Variants in PLCB1 observed in about 807,000 individuals in gnomAD.
PLCB1 encodes the protein phospholipase C beta 1, also known as 1-phosphatidylinositol 4,5-bisphosphate phosphodiesterase beta-1.
A neutral mutation model predicts 161.8 loss-of-function variants in PLCB1; 46 were observed. The observed-to-expected ratio is 0.28, with a 90% CI of 0.22 to 0.36. The LOEUF is 0.36. Among genes scored for constraint, PLCB1 ranks in the 10% least tolerant of loss-of-function variants. The pLI is 1.00. For synonymous variants in PLCB1, 517 were observed against 503.7 expected, an observed-to-expected ratio of 1.03 and a Z score of -0.35; for missense variants, 1,016 against 1,472.5, an observed-to-expected ratio of 0.69 and a Z score of 5.07.
chr20:8,861,661 C>A (rs532608932), intron 31 of PLCB1, among the ~76,000 whole-genome samples: 1 of 141,392 alleles, frequency 7.1e-6, no homozygotes, highest in Non-Finnish European at 1.5e-5. Flanking sequence ...ACCCGGGAGG[C>A]GGAGCTTGCA....
At chr20:8,729,012 T>C (rs1980088617) in intron 17 of PLCB1, 38 bp from the exon 18 acceptor site, 2 of 1,416,570 alleles carry the variant, frequency 1.4e-6, no homozygotes, top group Admixed American at 2.2e-5. Flanking sequence ...GACTAAATAT[T>C]TTTATAATTG....
chr20:8,689,975 A>G (rs748562311), intron 10 of PLCB1, among the ~76,000 whole-genome samples: 1 of 27,058 alleles, frequency 3.7e-5, no homozygotes, highest in Non-Finnish European at 1.5e-4. Context: ...ATTTCTGTAC[A>G]ATGGTTTTGT....
chr20:8,776,956 G>A (rs900385055), intron 27 of PLCB1, among the ~76,000 whole-genome samples: 1 of 152,070 alleles, frequency 6.6e-6, no homozygotes, highest in Non-Finnish European at 1.5e-5. Context: ...AAAGGTTTAC[G>A]CAGAAGGCAA....
At chr20:8,172,827 AG>A (rs1254082728) in intron 2 of PLCB1, among the ~76,000 whole-genome samples, 1 of 152,228 alleles carries the variant, frequency 6.6e-6, no homozygotes. Context: ...TTCTGGCATC[AG>A]GACCAGAGAA....
At chr20:8,661,871 G>C (rs945951355) in intron 9 of PLCB1, among the ~76,000 whole-genome samples, 5 of 141,696 alleles carry the variant, frequency 3.5e-5, no homozygotes, top group South Asian at 2.1e-4. Flanking sequence ...TGAAAGGCAA[G>C]AGGCTACACA....
intron 9 of PLCB1, among the ~76,000 whole-genome samples, chr20:8,684,368 T>A (rs1990307011): frequency 6.6e-6 from 1 of 152,060 alleles, no homozygotes; most frequent in South Asian, 2.1e-4. Flanking sequence ...GCGATTCTCC[T>A]GCCTCAGCCT....
At chr20:8,797,241 C>T (rs930369037) in intron 31 of PLCB1, among the ~76,000 whole-genome samples, 10 of 151,916 alleles carry the variant, frequency 6.6e-5, no homozygotes, top group African/African-American at 2.4e-4. Context: ...CTCCCCCCAC[C>T]GACAGCATTT....
chr20:8,498,431 T>C (rs1983268917), intron 3 of PLCB1, among the ~76,000 whole-genome samples: 1 of 152,234 alleles, frequency 6.6e-6, no homozygotes, highest in Non-Finnish European at 1.5e-5. Flanking sequence ...CAAATAATTA[T>C]ATAAAATTGA....
chr20:8,248,018 G>A (rs1391817132), intron 2 of PLCB1, among the ~76,000 whole-genome samples: 1 of 151,908 alleles, frequency 6.6e-6, no homozygotes, highest in East Asian at 1.9e-4. Context: ...CTCTGTCCTA[G>A]ATTGTGTTCC....
intron 2 of PLCB1, among the ~76,000 whole-genome samples, chr20:8,317,577 C>T (rs1455167134): frequency 6.6e-6 from 1 of 151,748 alleles, no homozygotes; most frequent in Non-Finnish European, 1.5e-5. Flanking sequence ...AGGGCACTTG[C>T]AAATCCTTAG....
intron 3 of PLCB1, among the ~76,000 whole-genome samples, chr20:8,620,765 A>AG (rs1465382075): frequency 2.7e-5 from 4 of 149,778 alleles, no homozygotes; most frequent in African/African-American, 7.3e-5. Flanking sequence ...AAAAAAAAAA[A>AG]AAAAGAAAAG....
At position 8,641,135 on chromosome 20, in the gene PLCB1, C is replaced by A. The variant is rs568778847; in HGVS notation, c.385-4967C>A. On this transcript the variant is annotated intron_variant, in intron 4 of 31. Transcript: ENST00000338037. Reference sequence around the variant, plus strand: ...ATGTCTACATAGCCAACATAGATGCCCAAACCCTTACACAAAAGCTTCTGT... The same window carrying A: ...ATGTCTACATAGCCAACATAGATGCACAAACCCTTACACAAAAGCTTCTGT... 3.7e-4 allele frequency among the ~76,000 whole-genome samples: 57 copies of A among 152,244 alleles called. No homozygotes were observed. In the South Asian group the frequency reaches 0.012, roughly 31 times the overall value.
chr20:8,306,900 A>G (rs1984158976), intron 2 of PLCB1, among the ~76,000 whole-genome samples: 1 of 152,254 alleles, frequency 6.6e-6, no homozygotes, highest in Non-Finnish European at 1.5e-5. Context: ...GAATTAAGCT[A>G]GAACTGAGCA....
chr20:8,794,252 A>C (rs1393235840), intron 31 of PLCB1, among the ~76,000 whole-genome samples: 5 of 152,254 alleles, frequency 3.3e-5, no homozygotes. Context: ...AAAGACAGGC[A>C]TAGGAAATCA....
chr20:8,321,388 T>C (rs1470230594), intron 2 of PLCB1, among the ~76,000 whole-genome samples: 1 of 152,152 alleles, frequency 6.6e-6, no homozygotes, highest in Non-Finnish European at 1.5e-5. Context: ...CATTTGTTTT[T>C]CAGTCCTCAG....
intron 24 of PLCB1, 116 bp from the exon 25 acceptor site, chr20:8,760,291 T>A (rs1981951733): frequency 1.7e-6 from 1 of 601,540 alleles, no homozygotes; most frequent in Admixed American, 3.1e-5. Context: ...CTCACACAAT[T>A]TGTCATTTCT....
At chr20:8,324,701 G>C (rs567532087) in intron 2 of PLCB1, among the ~76,000 whole-genome samples, 26 of 152,304 alleles carry the variant, frequency 1.7e-4, no homozygotes, top group Admixed American at 1.1e-3. Flanking sequence ...TTAAATAAAA[G>C]TGTAAGCTCT....
At chr20:8,853,106 G>A (rs1344998146) in intron 31 of PLCB1, among the ~76,000 whole-genome samples, 1 of 137,164 alleles carries the variant, frequency 7.3e-6, no homozygotes, top group African/African-American at 2.4e-5. Flanking sequence ...TCTGAAAAAT[G>A]GCTTATCACA....
chr20:8,277,370 AT>A (rs1321229011), intron 2 of PLCB1, among the ~76,000 whole-genome samples: 36 of 152,092 alleles, frequency 2.4e-4, no homozygotes, highest in Non-Finnish European at 5.0e-4. Flanking sequence ...TTGATGATTT[AT>A]TTCAAATTTC....
Sources: allele counts gnomAD v4.1 joint callset (sites outside exome capture counted in the v4.1 genomes callset), GRCh38; gene constraint gnomAD v4.1.1; transcripts MANE v1.5; gene names NCBI Gene and HGNC (gene_info 2026-07-23, HGNC 2026-07-21).